Variants in EPHA3 observed in about 807,000 individuals in gnomAD.
The protein encoded by EPHA3 is ephrin type-A receptor 3.
A neutral mutation model predicts 107.1 loss-of-function variants in EPHA3; 42 were observed. That is an observed-to-expected ratio of 0.39 (90% confidence interval 0.31 to 0.51). EPHA3 has a LOEUF of 0.51. EPHA3 is among the 20% of genes least tolerant of loss of function. EPHA3 has a pLI of 0.78. For missense variants in EPHA3, 1,183 were observed against 1,211.2 expected (o/e 0.98, Z 0.35); for synonymous variants, 461 against 424.8 (o/e 1.09, Z -1.05).
chr3:89,311,120 C>T (rs973142463), intron 3 of EPHA3, among the ~76,000 whole-genome samples: 12 of 152,034 alleles, frequency 7.9e-5, no homozygotes, highest in African/African-American at 2.9e-4. Context: ...CAAATGGTTG[C>T]AGTTATTATT....
intron 16 of EPHA3, among the ~76,000 whole-genome samples, chr3:89,478,806 G>T (rs1238162597): frequency 6.6e-6 from 1 of 152,174 alleles, no homozygotes; most frequent in East Asian, 1.9e-4. Flanking sequence ...GTTTCCTAAG[G>T]CTGCCACAAG....
In EPHA3 at chr3:89,431,589, C is replaced by G. The variant is rs1709571063; in HGVS notation, c.2346+230C>G. On this transcript the variant is annotated intron_variant, in intron 13 of 16. Transcript: ENST00000336596. The stretch of plus-strand genomic sequence containing the variant: ...ATTCTATACCTCAGTTTAATGTTCC[C>G]CACCAAAAGCAGCAAGATTCTCACA... 2.6e-5 allele frequency among the ~76,000 whole-genome samples: 4 copies of G among 151,862 alleles called. No homozygotes were observed. In the South Asian group the frequency reaches 8.3e-4, roughly 32 times the overall value.
chr3:89,289,386 T>C (rs1308316948), intron 3 of EPHA3, among the ~76,000 whole-genome samples: 1 of 152,072 alleles, frequency 6.6e-6, no homozygotes, highest in Admixed American at 6.6e-5. Context: ...GTACTAAAAA[T>C]TAATGGTTTC....
chr3:89,391,764 A>G (rs1172092709), intron 5 of EPHA3, among the ~76,000 whole-genome samples: 1 of 152,118 alleles, frequency 6.6e-6, no homozygotes, highest in East Asian at 1.9e-4. Flanking sequence ...TATTTCATTT[A>G]AAATATAATC....
intron 3 of EPHA3, among the ~76,000 whole-genome samples, chr3:89,292,790 A>T (rs1706246169): frequency 6.6e-6 from 1 of 152,178 alleles, no homozygotes; most frequent in Non-Finnish European, 1.5e-5. Context: ...AAATTTCAAA[A>T]GTCTTTGATT....
intron 3 of EPHA3, among the ~76,000 whole-genome samples, chr3:89,238,068 C>T (rs949783043): frequency 1.1e-4 from 17 of 151,768 alleles, no homozygotes; most frequent in African/African-American, 4.1e-4. Context: ...ATATTAATGT[C>T]GAATTCCAAG....
At chr3:89,210,965 A>G (rs143258421) in intron 3 of EPHA3, among the ~76,000 whole-genome samples, 279 of 152,276 alleles carry the variant, frequency 1.8e-3, no homozygotes, top group Middle Eastern at 6.8e-3. Flanking sequence ...CTTCATTGCT[A>G]TAAAGTACAG....
At chr3:89,302,903 A>AT (rs1258173371) in intron 3 of EPHA3, among the ~76,000 whole-genome samples, 2 of 151,708 alleles carry the variant, frequency 1.3e-5, no homozygotes, top group African/African-American at 4.8e-5. Flanking sequence ...ATTTTATTTA[A>AT]TTTTTTTGAG....
intron 5 of EPHA3, among the ~76,000 whole-genome samples, chr3:89,378,109 T>A (rs759259799): frequency 6.6e-5 from 10 of 152,042 alleles, no homozygotes; most frequent in Non-Finnish European, 5.9e-5. Flanking sequence ...CTGGGGCCTG[T>A]CACAGGGTGG....
intron 5 of EPHA3, among the ~76,000 whole-genome samples, chr3:89,364,515 G>A (rs1003875350): frequency 6.6e-6 from 1 of 151,104 alleles, no homozygotes; most frequent in Non-Finnish European, 1.5e-5. Flanking sequence ...AAAATTTATA[G>A]CTCCTTCACA....
chr3:89,277,987 T>G (rs561820023), intron 3 of EPHA3, among the ~76,000 whole-genome samples: 1 of 152,280 alleles, frequency 6.6e-6, no homozygotes, highest in South Asian at 2.1e-4. Context: ...TTCCTGAGGT[T>G]TGTCTCAAAT....
intron 3 of EPHA3, among the ~76,000 whole-genome samples, chr3:89,220,567 A>G (rs1281981535): frequency 6.6e-6 from 1 of 152,192 alleles, no homozygotes; most frequent in Non-Finnish European, 1.5e-5. Context: ...CGAATGGAGT[A>G]ATAAAAGAGA....
intron 5 of EPHA3, among the ~76,000 whole-genome samples, chr3:89,363,321 A>C (rs1407032837): frequency 6.6e-6 from 1 of 150,498 alleles, no homozygotes; most frequent in African/African-American, 2.4e-5. Flanking sequence ...AGTTTAAGGA[A>C]TAGGCTCATG....
chr3:89,161,875 G>A (rs1187584517), intron 2 of EPHA3, among the ~76,000 whole-genome samples: 6 of 151,918 alleles, frequency 3.9e-5, no homozygotes, highest in African/African-American at 1.5e-4. Flanking sequence ...TACCTGAGAG[G>A]CTGAGGTGGG....
At chr3:89,353,204 T>C (rs1337072957) in intron 5 of EPHA3, among the ~76,000 whole-genome samples, 1 of 151,250 alleles carries the variant, frequency 6.6e-6, no homozygotes, top group Non-Finnish European at 1.5e-5. Context: ...ATAGTCCCTA[T>C]AGAACTGTAT....
rs201509299 is a variant in EPHA3 at position 89,459,487 on chromosome 3, TTCTC to T, written c.2690+9120_2690+9123del. Among the ~76,000 whole-genome samples the T allele has an allele frequency of 9.6e-3, 1,094 of 113,958 alleles. 4 individuals are homozygous for T. Among genetic ancestry groups the T allele is most frequent in the African/African-American group, 0.014 (345 of 23,806 alleles). The allele number at this position is 113,958 out of a possible 152,430, so 74.8% of individuals were successfully genotyped here. The stretch of plus-strand genomic sequence containing the variant: ...TTTCTCTCCTTCCTTCTCTCCTTCC[TTCTC>T]TCCTTCCTTCCTTCCTTCCTTCCTT... On this transcript the variant is annotated intron_variant, in intron 15 of 16. Coordinates refer to ENST00000336596, the MANE Select transcript of EPHA3 (RefSeq NM_005233.6).
At chr3:89,444,887 T>A (rs185337931) in intron 13 of EPHA3, among the ~76,000 whole-genome samples, 2 of 152,312 alleles carry the variant, frequency 1.3e-5, no homozygotes, top group African/African-American at 4.8e-5. Context: ...ATCCGTCTAA[T>A]AAGCTACCTA....
At chr3:89,309,405 A>G (rs1220996493) in intron 3 of EPHA3, among the ~76,000 whole-genome samples, 1 of 152,160 alleles carries the variant, frequency 6.6e-6, no homozygotes, top group East Asian at 1.9e-4. Flanking sequence ...AACAAATGTG[A>G]GAGACATCAC....
rs1476389764 is a variant in EPHA3, at chr3:89,472,348, TGAAAG to T, written c.2691-112_2691-108del. ...TTTCATGGCAGATAAATTCCACAAA[TGAAAG>T]GAACACCATATGAAGTCTGGAAGTT... On this transcript the variant is annotated intron_variant, in intron 15 of 16. Transcript: ENST00000336596. 4.5e-6 allele frequency: 5 copies of T among 1,116,514 alleles called. No homozygotes were observed. In the African/African-American group the frequency reaches 4.7e-5, roughly 11 times the overall value. The allele number at this position is 1,116,514 out of a possible 1,614,324, so 69.2% of individuals were successfully genotyped here. A position where few individuals can be genotyped will look rare whatever the true frequency, so the allele number is the denominator to read the frequency against.
Sources: allele counts gnomAD v4.1 joint callset (sites outside exome capture counted in the v4.1 genomes callset), GRCh38; gene constraint gnomAD v4.1.1; transcripts MANE v1.5; gene names NCBI Gene and HGNC (gene_info 2026-07-23, HGNC 2026-07-21).